Variants in EPHA6 observed in about 807,000 individuals in gnomAD.
EPHA6 encodes the protein ephrin type-A receptor 6.
In EPHA6, 50 loss-of-function variants were observed where a neutral mutation model predicts 112.0. The observed-to-expected ratio is 0.45, with a 90% CI of 0.36 to 0.56. The LOEUF (loss-of-function observed/expected upper bound fraction) is 0.56, where lower values mean the gene tolerates loss of function less well. Ranked by LOEUF, EPHA6 falls within the 20% of genes least tolerant of loss-of-function variation. EPHA6 has a pLI of 0.00. For synonymous variants in EPHA6, 529 were observed against 490.7 expected (o/e 1.08, Z -1.03); for missense variants, 1,280 against 1,417.4 (o/e 0.90, Z 1.56).
At chr3:97,598,107 T>A (rs2093609167) in intron 12 of EPHA6, among the ~76,000 whole-genome samples, 1 of 152,114 alleles carries the variant, frequency 6.6e-6, no homozygotes, top group African/African-American at 2.4e-5. Flanking sequence ...TCAGACATTC[T>A]TTAAAAAGTT....
At chr3:97,148,690 T>C (rs1339736493) in intron 3 of EPHA6, among the ~76,000 whole-genome samples, 1 of 152,110 alleles carries the variant, frequency 6.6e-6, no homozygotes, top group Non-Finnish European at 1.5e-5. Flanking sequence ...TGCATAGAAC[T>C]CTGACCTTGA....
chr3:97,611,254 G>A (rs1222488949), intron 13 of EPHA6, among the ~76,000 whole-genome samples: 1 of 151,672 alleles, frequency 6.6e-6, no homozygotes, highest in East Asian at 1.9e-4. Context: ...TAACTGATCT[G>A]TATTTACCAA....
chr3:97,314,503 G>A (rs971348537), intron 5 of EPHA6, among the ~76,000 whole-genome samples: 7 of 151,594 alleles, frequency 4.6e-5, no homozygotes, highest in African/African-American at 7.3e-5. Context: ...TAGATTTTCA[G>A]CAAGGGATTT....
At chr3:97,549,389 A>G (rs1399096890) in intron 11 of EPHA6, among the ~76,000 whole-genome samples, 1 of 152,172 alleles carries the variant, frequency 6.6e-6, no homozygotes, top group Admixed American at 6.6e-5. Flanking sequence ...AGAAAATTGG[A>G]AAATCACTGA....
At chr3:97,091,597 A>T (rs367770202) in intron 3 of EPHA6, among the ~76,000 whole-genome samples, 2 of 152,132 alleles carry the variant, frequency 1.3e-5, no homozygotes, top group African/African-American at 4.8e-5. Flanking sequence ...ACCCTGAAAA[A>T]TACACTCAAT....
chr3:97,745,472 A>G, intron 16 of EPHA6: 1 of 422,966 alleles, frequency 2.4e-6, no homozygotes, highest in East Asian at 7.3e-5. Flanking sequence ...TCCAAATAGG[A>G]AATGCAATAG....
chr3:97,449,337 CA>C (rs2090452913), intron 7 of EPHA6, among the ~76,000 whole-genome samples: 1 of 152,010 alleles, frequency 6.6e-6, no homozygotes, highest in Non-Finnish European at 1.5e-5. Flanking sequence ...TTTTGGCCTT[CA>C]GAAATCCATC....
intron 6 of EPHA6, among the ~76,000 whole-genome samples, chr3:97,411,386 A>T (rs1454255291): frequency 3.9e-5 from 6 of 152,048 alleles, no homozygotes; most frequent in African/African-American, 1.4e-4. Context: ...CTAAAAATAT[A>T]TTGACAGCAA....
At chr3:97,031,316 A>C (rs1576355330) in intron 3 of EPHA6, among the ~76,000 whole-genome samples, 1 of 152,162 alleles carries the variant, frequency 6.6e-6, no homozygotes, top group African/African-American at 2.4e-5. Context: ...TAAAGACTTA[A>C]ATGTTAGACG....
chr3:96,825,034 A>G (rs1290273024), intron 1 of EPHA6, among the ~76,000 whole-genome samples: 1 of 152,002 alleles, frequency 6.6e-6, no homozygotes, highest in Non-Finnish European at 1.5e-5. Context: ...TGAGTTATAC[A>G]TGGGAAATGA....
rs557534202 is a variant in EPHA6, at chr3:97,609,676, G to A, written c.2513-1117G>A. On this transcript the variant is annotated intron_variant, in intron 12 of 17. Transcript: ENST00000389672. ...GCATTTACATACATTGTACTAATTC[G>A]TAATAGTCACCATCACCCTTTCTAA... 5.3e-5 allele frequency among the ~76,000 whole-genome samples: 8 copies of A among 151,378 alleles called. No homozygotes were observed. In the South Asian group the frequency reaches 6.2e-4, roughly 12 times the overall value.
chr3:97,297,369 G>T (rs1292942949), intron 5 of EPHA6, among the ~76,000 whole-genome samples: 3 of 152,056 alleles, frequency 2.0e-5, no homozygotes, highest in Non-Finnish European at 4.4e-5. Flanking sequence ...TGTTCTTTAT[G>T]GAAAAGGCTA....
At chr3:97,110,266 T>A (rs2047683964) in intron 3 of EPHA6, among the ~76,000 whole-genome samples, 1 of 152,090 alleles carries the variant, frequency 6.6e-6, no homozygotes, top group African/African-American at 2.4e-5. Flanking sequence ...GCCTCCATAA[T>A]GGTAATTTAC....
At chr3:97,146,698 G>C (rs1048142593) in intron 3 of EPHA6, among the ~76,000 whole-genome samples, 1 of 151,720 alleles carries the variant, frequency 6.6e-6, no homozygotes, top group African/African-American at 2.4e-5. Context: ...ATGTCCTTTA[G>C]ATTCTACCTT....
chr3:97,543,882 T>C (rs2092906010), intron 11 of EPHA6, among the ~76,000 whole-genome samples: 1 of 152,152 alleles, frequency 6.6e-6, no homozygotes. Context: ...TCACTCATGA[T>C]TTGGCTCTCT....
intron 11 of EPHA6, among the ~76,000 whole-genome samples, chr3:97,551,800 C>G (rs2107088543): frequency 6.6e-6 from 1 of 152,152 alleles, no homozygotes; most frequent in East Asian, 1.9e-4. Flanking sequence ...GAGTATATCT[C>G]ATTGCAAGAA....
chr3:97,614,988 G>A (rs1235285007), intron 13 of EPHA6, among the ~76,000 whole-genome samples: 2 of 152,154 alleles, frequency 1.3e-5, no homozygotes, highest in Non-Finnish European at 2.9e-5. Flanking sequence ...CTGACTAGAA[G>A]CAGCTATGGT....
intron 3 of EPHA6, among the ~76,000 whole-genome samples, chr3:97,041,719 C>A (rs147135293): frequency 2.1e-4 from 32 of 152,056 alleles, no homozygotes; most frequent in African/African-American, 7.5e-4. Flanking sequence ...CCTTAGGAAA[C>A]GTACAGTCAT....
At chr3:97,546,475 T>C (rs1246138576) in intron 11 of EPHA6, among the ~76,000 whole-genome samples, 1 of 152,198 alleles carries the variant, frequency 6.6e-6, no homozygotes, top group South Asian at 2.1e-4. Context: ...TAACCCGACC[T>C]TTCTCTCTGG....
Sources: gnomAD v4.1 joint callset for allele counts (sites outside exome capture counted in the v4.1 genomes callset) on GRCh38, gnomAD v4.1.1 for gene constraint, MANE v1.5 for transcripts, NCBI Gene and HGNC (gene_info 2026-07-23, HGNC 2026-07-21) for gene names.